The following FEZF2 variants were observed in gnomAD, a reference collection of about 807,000 sequenced individuals.
The protein encoded by FEZF2 is fez family zinc finger protein 2.
FEZF2 carries 2 observed loss-of-function variants against 32.8 expected under a neutral mutation model. The ratio of observed to expected loss-of-function variants is 0.06; its 90% CI spans 0.02 to 0.19. The LOEUF (loss-of-function observed/expected upper bound fraction) is 0.19, where lower values mean the gene tolerates loss of function less well. Ranked by LOEUF, FEZF2 falls within the 10% of genes least tolerant of loss-of-function variation. The pLI is 1.00. For missense variants in FEZF2, 516 were observed against 625.4 expected (o/e 0.83, Z 1.87); for synonymous variants, 322 against 284.8 (o/e 1.13, Z -1.32).
rs1024113737 is a variant in FEZF2 at position 62,369,878 on chromosome 3, T to G, written c.*205A>C. 3 of 572,994 alleles carry G rather than the reference T, an allele frequency of 5.2e-6. No homozygotes were observed. In the African/African-American group the frequency reaches 5.6e-5, roughly 11 times the overall value. 35.5% of individuals were successfully genotyped at this position (572,994 alleles called of 1,614,324 possible). On this transcript the variant is annotated 3_prime_UTR_variant, in exon 5 of 5. Transcript: ENST00000283268. The surrounding 1 kb of genome is among the most constrained non-coding windows in gnomAD (Gnocchi z 4.2). ...TTCGGCGCACTGGATTTAAATAAGT[T>G]TCCTGAATATACAAAGGTGGGGGCC...
At position 62,371,191 on chromosome 3, in the gene FEZF2, A is replaced by T. The variant is rs1168413106; in HGVS notation, c.1120+26T>A. 3 of 1,614,060 alleles carry T rather than the reference A, an allele frequency of 1.9e-6. No homozygotes were observed. In the African/African-American group the frequency reaches 4.0e-5, roughly 22 times the overall value. On this transcript the variant is annotated intron_variant, in intron 4 of 4. Coordinates refer to ENST00000283268, the MANE Select transcript of FEZF2 (RefSeq NM_018008.4). The stretch of plus-strand genomic sequence containing the variant: ...ACCCGAGTCCTGAGGTGAGGTGAGA[A>T]GAGAAGGCCTCGCCTGGCACGTTAC...
chr3:62,371,160 GC>G, intron 4 of FEZF2, 56 bp downstream of exon 4: 3 of 1,613,180 alleles, frequency 1.9e-6, no homozygotes, highest in Non-Finnish European at 2.5e-6. Context: ...CTGCCAGCCA[GC>G]CGCGACCCGA....
Position 62,372,320 on chromosome 3 carries a change from A to C in FEZF2, c.549T>G (p.Ser183=). 5 of 1,609,806 alleles carry C rather than the reference A, an allele frequency of 3.1e-6. No homozygotes were observed. The highest frequency in any genetic ancestry group is 4.2e-6 in the Non-Finnish European group (5 of 1,179,150). ...GGAAGAGGTGGCCGCTGAGGAGCTC[A>C]GACGGCGGGTACGCGGTCGAGTCCA... ...NYLDSTAYPP[S]ELLSGHLFPS... The change falls in exon 2 of 5, where the codon TCT becomes TCG. Residue 183 remains serine (S), a synonymous_variant. Coordinates refer to ENST00000283268, the MANE Select transcript of FEZF2 (RefSeq NM_018008.4). The surrounding 1 kb of genome is among the most constrained non-coding windows in gnomAD (Gnocchi z 9.6).
rs2148946061 is a variant in FEZF2, at chr3:62,372,871, C to A, written c.-3G>T. 5 of 1,422,568 alleles carry A rather than the reference C, an allele frequency of 3.5e-6. No individual in the cohort carries two copies. Among genetic ancestry groups the A allele is most frequent in the Middle Eastern group, 1.9e-4 (1 of 5,160 alleles). 88.1% of individuals were successfully genotyped at this position (1,422,568 alleles called of 1,614,324 possible). A position where few individuals can be genotyped will look rare whatever the true frequency, so the allele number is the denominator to read the frequency against. On this transcript the variant is annotated 5_prime_UTR_variant, in exon 2 of 5. Coordinates refer to ENST00000283268, the MANE Select transcript of FEZF2 (RefSeq NM_018008.4). This position sits in a 1 kb window ranked among gnomAD's most constrained non-coding sequence, Gnocchi z 9.6. ...TCCAGGGAAGCCGAGCTTGCCATGG[C>A]GCGCGGAGCTGAGCCGAGCCAGGCT... is the stretch of plus-strand genomic sequence containing the variant.
intron 2 of FEZF2, 24 bp downstream of exon 2, chr3:62,371,993 C>G (rs1311880542): frequency 6.3e-7 from 1 of 1,595,126 alleles, no homozygotes; most frequent in African/African-American, 1.3e-5. Flanking sequence ...CTCCCGGCCC[C>G]CCTCGCCGAA....
rs1290204807 is a variant in FEZF2, at chr3:62,370,828, G to A, written c.1120+389C>T. Among the ~76,000 whole-genome samples, 1 of 152,188 alleles carries A rather than the reference G, an allele frequency of 6.6e-6. No individual in the cohort carries two copies. The highest frequency in any genetic ancestry group is 1.9e-4 in the East Asian group (1 of 5,196). On this transcript the variant is annotated intron_variant, in intron 4 of 4. Coordinates refer to ENST00000283268, the MANE Select transcript of FEZF2 (RefSeq NM_018008.4). This position sits in a 1 kb window ranked among gnomAD's most constrained non-coding sequence, Gnocchi z 4.2. ...GATCCAGGGGCCAAGGATCATACCG[G>A]TTTCCCCCAATCTTAGATTGTTCCC...
intron 3 of FEZF2, 31 bp downstream of exon 3, chr3:62,371,502 G>A: frequency 6.3e-7 from 1 of 1,594,956 alleles, no homozygotes; most frequent in Non-Finnish European, 8.5e-7. Flanking sequence ...GGGGTTGCGC[G>A]CGGGCTAGGC....
Position 62,371,953 on chromosome 3 carries a change from C to G in FEZF2, c.852+64G>C, listed in dbSNP as rs190897349. ...CTTGAAAAAGGGGCATTCCAGGCTG[C>G]CCCAAGGAAGCCGCCGCCGCCGATC... On this transcript the variant is annotated intron_variant, in intron 2 of 4. Transcript: ENST00000283268. 2.0e-4 allele frequency: 314 copies of G among 1,556,998 alleles called. No homozygotes were observed. In the African/African-American group the frequency reaches 3.6e-3, roughly 18 times the overall value.
rs748844209 is a variant in FEZF2 at position 62,372,042 on chromosome 3, T to G, written c.827A>C (p.Asn276Thr). 1 of 1,607,492 alleles carries G rather than the reference T, an allele frequency of 6.2e-7. No homozygotes were observed. The highest frequency in any genetic ancestry group is 8.5e-7 in the Non-Finnish European group (1 of 1,179,326). The change falls in exon 2 of 5, where the codon AAC becomes ACC. Residue 276 changes from asparagine (N) to threonine (T), a missense_variant. Asn to Thr is a moderately conservative substitution (Grantham distance 65, BLOSUM62 0). Around this residue, in one of 3 missense-constraint regions of FEZF2, gnomAD observed 408 missense variants for 382.2 expected, o/e 1.07. Coordinates refer to ENST00000283268, the MANE Select transcript of FEZF2 (RefSeq NM_018008.4). The surrounding 1 kb of genome is among the most constrained non-coding windows in gnomAD (Gnocchi z 9.6). ...CTTGCCGCACACCTCGCAGGTGAAG[T>G]TTTTGGGCTTGCCATCTGCGGAGCC... ...PGGSADGKPKNFTCEVCGKVF... is the reference protein window; with the variant it reads ...PGGSADGKPKTFTCEVCGKVF...
chr3:62,371,411 TCC>T (rs71123259), intron 3 of FEZF2, 62 bp from the exon 4 acceptor site: 1 of 1,587,650 alleles, frequency 6.3e-7, no homozygotes, highest in Admixed American at 1.7e-5. Context: ...GGAAGGGACA[TCC>T]CCCCCACCCC....
At position 62,370,133 on chromosome 3, in the gene FEZF2, C is replaced by T; in HGVS notation, c.1330G>A (p.Gly444Ser). 1.2e-6 allele frequency: 2 copies of T among 1,614,164 alleles called. No homozygotes were observed. Among genetic ancestry groups the T allele is most frequent in the Non-Finnish European group, 1.7e-6 (2 of 1,180,032 alleles). Residue 444 changes from glycine (G) to serine (S), a missense_variant, in exon 5 of 5, where the codon GGC becomes AGC. Transcript: ENST00000283268. This position sits in a 1 kb window ranked among gnomAD's most constrained non-coding sequence, Gnocchi z 4.2. Reference protein sequence around the residue: ...KHVRKLHDSVGPAAPSAKDLT... With the variant: ...KHVRKLHDSVSPAAPSAKDLT... ...TCCTTTGCGGAGGGGGCAGCAGGGC[C>T]CACGCTGTCGTGGAGTTTGCGCACA...
At chr3:62,371,417 CCA>C in intron 3 of FEZF2, 68 bp from the exon 4 acceptor site, 1 of 1,586,880 alleles carries the variant, frequency 6.3e-7, no homozygotes, top group Non-Finnish European at 8.6e-7. Flanking sequence ...GACATCCCCC[CCA>C]CCCCCACTCA....
At chr3:62,371,416 C>T (rs763501357) in intron 3 of FEZF2, 67 bp from the exon 4 acceptor site, 169 of 1,586,760 alleles carry the variant, frequency 1.1e-4, no homozygotes, top group Non-Finnish European at 1.4e-4. Context: ...GGACATCCCC[C>T]CCACCCCCAC....
chr3:62,371,971 C>T, intron 2 of FEZF2, 46 bp downstream of exon 2: 2 of 1,580,064 alleles, frequency 1.3e-6, no homozygotes, highest in South Asian at 2.3e-5. Context: ...AAGCCGCCGC[C>T]GCCGATCGCC....
Position 62,372,733 on chromosome 3 carries a change from A to G in FEZF2, c.136T>C (p.Phe46Leu), listed in dbSNP as rs772678681. ...MAKTSEPRAP[F>L]EPRPGALEAD... ...TCTAGCGCTCCAGGCCGGGGCTCAA[A>G]GGGCGCACGGGGCTCCGACGTCTTG... is the stretch of plus-strand genomic sequence containing the variant. Residue 46 changes from phenylalanine to leucine, a missense_variant, in exon 2 of 5, where the codon TTT becomes CTT. Transcript: ENST00000283268. This position sits in a 1 kb window ranked among gnomAD's most constrained non-coding sequence, Gnocchi z 9.6. 1.9e-6 allele frequency: 3 copies of G among 1,608,968 alleles called. No individual in the cohort carries two copies. The East Asian group carries it at 6.7e-5, about 36-fold the overall frequency.
rs1704251083 is a variant in FEZF2 at position 62,370,323 on chromosome 3, C to T, written c.1140G>A (p.Lys380=). 6.2e-7 allele frequency: 1 copy of T among 1,614,158 alleles called. No homozygotes were observed. Among genetic ancestry groups the T allele is most frequent in the African/African-American group, 1.3e-5 (1 of 75,038 alleles). Residue 380 remains lysine, a synonymous_variant, in exon 5 of 5, where the codon AAG becomes AAA. Transcript: ENST00000283268. The surrounding 1 kb of genome is among the most constrained non-coding windows in gnomAD (Gnocchi z 4.2). ...ACTGCTTCTCGCCGCTGTGGGTCAG[C>T]TTGTGGTTCTTGTAGTTCCCTACAA... ...FHQKGNYKNH[K]LTHSGEKQYK...
Position 62,370,196 on chromosome 3 carries a change from C to G in FEZF2, c.1267G>C (p.Gly423Arg). Residue 423 changes from glycine to arginine, a missense_variant, in exon 5 of 5, where the codon GGC (glycine) becomes CGC (arginine). This residue lies in a region of FEZF2 where 79 missense variants were observed against 219.4 expected (regional missense o/e 0.36). Transcript: ENST00000283268. The surrounding 1 kb of genome is among the most constrained non-coding windows in gnomAD (Gnocchi z 4.2). ...TCAAAGTTTCTGCAAAACCCTTTGC[C>G]GCAAGTGGCGCACGTGAAAGGCTTC... ...DKKPFTCATCGKGFCRNFDLK... is the reference protein window; with the variant it reads ...DKKPFTCATCRKGFCRNFDLK... 6.2e-7 allele frequency: 1 copy of G among 1,614,118 alleles called. No individual in the cohort carries two copies. The highest frequency in any genetic ancestry group is 8.5e-7 in the Non-Finnish European group (1 of 1,180,028).
chr3:62,371,100 G>A (rs1262816353), intron 4 of FEZF2, 117 bp downstream of exon 4: 4 of 1,466,516 alleles, frequency 2.7e-6, no homozygotes, highest in Admixed American at 3.4e-5. Context: ...GAAATGCTGC[G>A]CCCGCGCCTG....
At chr3:62,371,881 C>T in intron 2 of FEZF2, 136 bp downstream of exon 2, 2 of 1,427,986 alleles carry the variant, frequency 1.4e-6, no homozygotes, top group Non-Finnish European at 1.8e-6. Context: ...AACTGAGGCC[C>T]AACGAGGCTC....
Sources: allele counts gnomAD v4.1 joint callset (sites outside exome capture counted in the v4.1 genomes callset), GRCh38; gene constraint gnomAD v4.1.1; regional missense constraint gnomAD v4.1.1; non-coding constraint Gnocchi (gnomAD v3.1); transcripts MANE v1.5; gene names NCBI Gene and HGNC (gene_info 2026-07-23, HGNC 2026-07-21).